EFNA3: variants seen among roughly 807,000 people sequenced by gnomAD.
EFNA3 encodes ephrin A3.
A neutral mutation model predicts 25.0 loss-of-function variants in EFNA3; 15 were observed. The observed-to-expected ratio is 0.60, with a 90% CI of 0.40 to 0.92. EFNA3 has a LOEUF of 0.92. Ranked by LOEUF, EFNA3 falls within the 40% of genes least tolerant of loss-of-function variation. The pLI, the probability that EFNA3 is intolerant of heterozygous loss-of-function variation, is 0.00. For synonymous variants in EFNA3, 153 were observed against 145.6 expected (o/e 1.05, Z -0.37); for missense variants, 298 against 323.8 (o/e 0.92, Z 0.61).
chr1:155,085,850 G>C lies in EFNA3; in HGVS notation c.443-27G>C. On this transcript the variant is annotated intron_variant, in intron 2 of 4. Transcript: ENST00000368408. This position sits in a 1 kb window ranked among gnomAD's most constrained non-coding sequence, Gnocchi z 4.4. ...GGGCACAGGCACACATTGGGCGAAA[G>C]TGACTCAGGCCCGGTCTCCTCCCCA... The C allele has an allele frequency of 6.2e-7, 1 of 1,611,706 alleles. No individual in the cohort carries two copies. Among genetic ancestry groups the C allele is most frequent in the East Asian group, 2.2e-5 (1 of 44,742 alleles).
At position 155,078,892 on chromosome 1, in the gene EFNA3, C is replaced by G. The variant is rs1409720470; in HGVS notation, c.-50C>G. 2 of 1,341,610 alleles carry G rather than the reference C, an allele frequency of 1.5e-6. No individual in the cohort carries two copies. The highest frequency in any genetic ancestry group is 1.9e-6 in the Non-Finnish European group (2 of 1,048,608). The allele number at this position is 1,341,610 out of a possible 1,614,324, so 83.1% of individuals were successfully genotyped here. A position where few individuals can be genotyped will look rare whatever the true frequency, so the allele number is the denominator to read the frequency against. On this transcript the variant is annotated 5_prime_UTR_variant, in exon 1 of 5. Coordinates refer to ENST00000368408, the MANE Select transcript of EFNA3 (RefSeq NM_004952.5). ...AGCAGGGAGCTGGGAAGCGGAGAAG[C>G]CGGGAGCGCGGGGCTCAGTCGGGGG...
chr1:155,080,997 G>C lies in EFNA3; in HGVS notation c.128+1928G>C, dbSNP rs1441471031. Among the ~76,000 whole-genome samples the C allele has an allele frequency of 1.3e-5, 2 of 152,020 alleles. No individual in the cohort carries two copies. The highest frequency in any genetic ancestry group is 2.9e-5 in the Non-Finnish European group (2 of 67,950). ...GGGCCGGGGAGCTGGGGGCGGGGCC[G>C]ACCGAGCCACAGGCTCCCGCGCCCC... On this transcript the variant is annotated intron_variant, in intron 1 of 4. Transcript: ENST00000368408. The surrounding 1 kb of genome is among the most constrained non-coding windows in gnomAD (Gnocchi z 7.0).
chr1:155,080,601 C>T lies in EFNA3; in HGVS notation c.128+1532C>T, dbSNP rs1304533930. Among the ~76,000 whole-genome samples, 1 of 152,208 alleles carries T rather than the reference C, an allele frequency of 6.6e-6. No homozygotes were observed. The highest frequency in any genetic ancestry group is 1.5e-5 in the Non-Finnish European group (1 of 68,034). ...CTCGCAGGTGAGGGGCCCCGGGTTC[C>T]CCGCCACCCTTGGAGCACCTCAGCG... On this transcript the variant is annotated intron_variant, in intron 1 of 4. Coordinates refer to ENST00000368408, the MANE Select transcript of EFNA3 (RefSeq NM_004952.5). This position sits in a 1 kb window ranked among gnomAD's most constrained non-coding sequence, Gnocchi z 7.0.
At chr1:155,084,685 C>A (rs1217919006) in intron 1 of EFNA3, among the ~76,000 whole-genome samples, 1 of 152,240 alleles carries the variant, frequency 6.6e-6, no homozygotes, top group East Asian at 1.9e-4. Context: ...CATCCCTCCT[C>A]CCGGCTGCTG....
rs1163409895 is a variant in EFNA3 at position 155,086,809 on chromosome 1, G to A, written c.*266G>A. ...GGTACCAAACTTGGGGGCCAAAAAG[G>A]GCAGTGCTCAGGACTCCCTGGCCCC... On this transcript the variant is annotated 3_prime_UTR_variant, in exon 5 of 5. Coordinates refer to ENST00000368408, the MANE Select transcript of EFNA3 (RefSeq NM_004952.5). 2 of 439,224 alleles carry A rather than the reference G, an allele frequency of 4.6e-6. No homozygotes were observed. Among genetic ancestry groups the A allele is most frequent in the African/African-American group, 2.0e-5 (1 of 49,726 alleles). The allele number at this position is 439,224 out of a possible 1,614,324, so 27.2% of individuals were successfully genotyped here. A position where few individuals can be genotyped will look rare whatever the true frequency, so the allele number is the denominator to read the frequency against.
In EFNA3 at chr1:155,079,880, T is replaced by A. The variant is rs899889139; in HGVS notation, c.128+811T>A. Among the ~76,000 whole-genome samples, 1 of 151,750 alleles carries A rather than the reference T, an allele frequency of 6.6e-6. No homozygotes were observed. The highest frequency in any genetic ancestry group is 2.4e-5 in the African/African-American group (1 of 41,306). On this transcript the variant is annotated intron_variant, in intron 1 of 4. Coordinates refer to ENST00000368408, the MANE Select transcript of EFNA3 (RefSeq NM_004952.5). This position sits in a 1 kb window ranked among gnomAD's most constrained non-coding sequence, Gnocchi z 7.7. Reference sequence around the variant, plus strand: ...GGGTCGGGGAAGGGGCTGCGGTCGCTGTCCGCGCGGCCAGCTGCGTCTGGG... The same window carrying A: ...GGGTCGGGGAAGGGGCTGCGGTCGCAGTCCGCGCGGCCAGCTGCGTCTGGG...
chr1:155,086,451 G>C lies in EFNA3; in HGVS notation c.625G>C (p.Glu209Gln). 6.2e-7 allele frequency: 1 copy of C among 1,614,112 alleles called. No homozygotes were observed. Among genetic ancestry groups the C allele is most frequent in the African/African-American group, 1.3e-5 (1 of 75,048 alleles). The change falls in exon 5 of 5, where the codon GAG (glutamate) becomes CAG (glutamine). Residue 209 changes from glutamate (E) to glutamine (Q), a missense_variant. Glu to Gln is a conservative substitution (Grantham distance 29, BLOSUM62 2). Coordinates refer to ENST00000368408, the MANE Select transcript of EFNA3 (RefSeq NM_004952.5). Reference sequence around the variant, plus strand: ...AGAGAACCCTCAGGTGCCCAAGCTTGAGAAGAGCATCAGCGGGACCAGCCC... The same window carrying C: ...AGAGAACCCTCAGGTGCCCAAGCTTCAGAAGAGCATCAGCGGGACCAGCCC... ...EGENPQVPKL[E>Q]KSISGTSPKR...
chr1:155,083,217 G>A (rs1167792075), intron 1 of EFNA3, among the ~76,000 whole-genome samples: 4 of 152,180 alleles, frequency 2.6e-5, no homozygotes, highest in African/African-American at 7.2e-5. Flanking sequence ...CAGCAGGGAG[G>A]GGCTGCTTCA....
rs772344828 is a variant in EFNA3, at chr1:155,086,567, G to C, written c.*24G>C. Reference sequence around the variant, plus strand: ...AGCTCTGCCCCCTCCCCTGGGGGGGGAGAGATGGGGCGGGGCTTGGAAGGA... The same window carrying C: ...AGCTCTGCCCCCTCCCCTGGGGGGGCAGAGATGGGGCGGGGCTTGGAAGGA... On this transcript the variant is annotated 3_prime_UTR_variant, in exon 5 of 5. Coordinates refer to ENST00000368408, the MANE Select transcript of EFNA3 (RefSeq NM_004952.5). The C allele has an allele frequency of 1.9e-6, 3 of 1,611,142 alleles. No individual in the cohort carries two copies. In the Admixed American group the frequency reaches 5.0e-5, roughly 27 times the overall value.
In EFNA3 at chr1:155,085,815, C is replaced by T; in HGVS notation, c.443-62C>T. On this transcript the variant is annotated intron_variant, in intron 2 of 4. Transcript: ENST00000368408. The surrounding 1 kb of genome is among the most constrained non-coding windows in gnomAD (Gnocchi z 4.4). The stretch of plus-strand genomic sequence containing the variant: ...GTTTGGAGGGGGTGAGAAATAGAGC[C>T]GTCGAGGGAGGGCACAGGCACACAT... 1 of 1,582,604 alleles carries T rather than the reference C, an allele frequency of 6.3e-7. No homozygotes were observed. Among genetic ancestry groups the T allele is most frequent in the Non-Finnish European group, 8.6e-7 (1 of 1,159,556 alleles).
intron 4 of EFNA3, 34 bp from the exon 5 acceptor site, chr1:155,086,379 G>A (rs1351806277): frequency 2.5e-6 from 4 of 1,611,990 alleles, no homozygotes; most frequent in Middle Eastern, 3.3e-4. Context: ...GCGCAACCCA[G>A]CCCTCACCAG....
rs368001689 is a variant in EFNA3 at position 155,085,425 on chromosome 1, G to C, written c.442+21G>C. On this transcript the variant is annotated intron_variant, in intron 2 of 4. Coordinates refer to ENST00000368408, the MANE Select transcript of EFNA3 (RefSeq NM_004952.5). The surrounding 1 kb of genome is among the most constrained non-coding windows in gnomAD (Gnocchi z 4.4). Reference sequence around the variant, plus strand: ...CATCTGTGAGTGACGGCGGCCGGGCGGGCGGGTCTGAACGCGAGAGTCTGA... The same window carrying C: ...CATCTGTGAGTGACGGCGGCCGGGCCGGCGGGTCTGAACGCGAGAGTCTGA... 3.2e-6 allele frequency: 5 copies of C among 1,541,308 alleles called. No individual in the cohort carries two copies. Among genetic ancestry groups the C allele is most frequent in the Non-Finnish European group, 4.4e-6 (5 of 1,137,488 alleles).
rs762228610 is a variant in EFNA3 at position 155,086,563 on chromosome 1, G to GA, written c.*20_*21insA. On this transcript the variant is annotated 3_prime_UTR_variant, in exon 5 of 5. Transcript: ENST00000368408. Reference sequence around the variant, plus strand: ...TCCTAGCTCTGCCCCCTCCCCTGGGGGGGGAGAGATGGGGCGGGGCTTGGA... The same window carrying GA: ...TCCTAGCTCTGCCCCCTCCCCTGGGGAGGGGAGAGATGGGGCGGGGCTTGGA... The GA allele has an allele frequency of 6.8e-6, 11 of 1,612,340 alleles. No individual in the cohort carries two copies. The African/African-American group carries it at 1.3e-4, about 20-fold the overall frequency.
Position 155,086,635 on chromosome 1 carries a change from A to G in EFNA3, c.*92A>G. On this transcript the variant is annotated 3_prime_UTR_variant, in exon 5 of 5. Transcript: ENST00000368408. ...TCTCCAAGGGAAGCCTAGTGGGCCTAGACCCCTCCTCCCATGGCTAGAAGT... is the reference window on the plus strand; with the variant it reads ...TCTCCAAGGGAAGCCTAGTGGGCCTGGACCCCTCCTCCCATGGCTAGAAGT... 2 of 1,500,406 alleles carry G rather than the reference A, an allele frequency of 1.3e-6. No individual in the cohort carries two copies. Among genetic ancestry groups the G allele is most frequent in the African/African-American group, 1.4e-5 (1 of 71,778 alleles). The allele number at this position is 1,500,406 out of a possible 1,614,324, so 92.9% of individuals were successfully genotyped here. A position where few individuals can be genotyped will look rare whatever the true frequency, so the allele number is the denominator to read the frequency against.
Position 155,079,977 on chromosome 1 carries a change from G to A in EFNA3, c.128+908G>A, listed in dbSNP as rs1338962726. On this transcript the variant is annotated intron_variant, in intron 1 of 4. Transcript: ENST00000368408. This position sits in a 1 kb window ranked among gnomAD's most constrained non-coding sequence, Gnocchi z 7.7. ...GGCCGTGTGGTTTCCCGGGGTGTGT[G>A]GCGCGGTGGCCGGGTGCTGGCTGCG... is the stretch of plus-strand genomic sequence containing the variant. Among the ~76,000 whole-genome samples the A allele has an allele frequency of 6.6e-6, 1 of 152,018 alleles. No individual in the cohort carries two copies. Among genetic ancestry groups the A allele is most frequent in the Non-Finnish European group, 1.5e-5 (1 of 67,986 alleles).
rs1160303598 is a variant in EFNA3 at position 155,086,197 on chromosome 1, A to G, written c.578A>G (p.Asn193Ser). 6.2e-7 allele frequency: 1 copy of G among 1,613,856 alleles called. No homozygotes were observed. The highest frequency in any genetic ancestry group is 2.2e-5 in the East Asian group (1 of 44,864). Residue 193 changes from asparagine to serine, a missense_variant, in exon 4 of 5, where the codon AAC becomes AGC. Coordinates refer to ENST00000368408, the MANE Select transcript of EFNA3 (RefSeq NM_004952.5). The part of the protein sequence containing the change: ...QFTMGPNVKI[N>S]VLEDFEGENP... Reference sequence around the variant, plus strand: ...ACCATGGGCCCCAATGTGAAGATCAACGTGCTGGGTGAGTCTGCGCAGCGC... The same window carrying G: ...ACCATGGGCCCCAATGTGAAGATCAGCGTGCTGGGTGAGTCTGCGCAGCGC...
Position 155,085,495 on chromosome 1 carries a change from G to A in EFNA3, c.442+91G>A. The A allele has an allele frequency of 7.1e-7, 1 of 1,411,940 alleles. No individual in the cohort carries two copies. The highest frequency in any genetic ancestry group is 9.4e-7 in the Non-Finnish European group (1 of 1,067,678). The allele number at this position is 1,411,940 out of a possible 1,614,324, so 87.5% of individuals were successfully genotyped here. Reference sequence around the variant, plus strand: ...GCCCCTAGGCTCCGGGGCGGGGCCGGCGCGGCGGGCGCCAGGTCTCGCGGC... The same window carrying A: ...GCCCCTAGGCTCCGGGGCGGGGCCGACGCGGCGGGCGCCAGGTCTCGCGGC... On this transcript the variant is annotated intron_variant, in intron 2 of 4. Transcript: ENST00000368408. This position sits in a 1 kb window ranked among gnomAD's most constrained non-coding sequence, Gnocchi z 4.4.
At position 155,081,727 on chromosome 1, in the gene EFNA3, A is replaced by C. The variant is rs1663345685; in HGVS notation, c.128+2658A>C. Among the ~76,000 whole-genome samples the C allele has an allele frequency of 6.6e-6, 1 of 150,686 alleles. No homozygotes were observed. Among genetic ancestry groups the C allele is most frequent in the South Asian group, 2.1e-4 (1 of 4,734 alleles). ...GCCTGCCTGTCTCTCCTGTTCTCCA[A>C]GACTCTCGGTTCTCGTTCTCTTCCC... On this transcript the variant is annotated intron_variant, in intron 1 of 4. Coordinates refer to ENST00000368408, the MANE Select transcript of EFNA3 (RefSeq NM_004952.5). The surrounding 1 kb of genome is among the most constrained non-coding windows in gnomAD (Gnocchi z 5.2).
chr1:155,083,286 G>T (rs951623075), intron 1 of EFNA3, among the ~76,000 whole-genome samples: 5 of 152,216 alleles, frequency 3.3e-5, no homozygotes, highest in African/African-American at 1.2e-4. Context: ...TGGCTGTGCA[G>T]CTGCTCCAGA....
Sources: gnomAD v4.1 joint callset for allele counts (sites outside exome capture counted in the v4.1 genomes callset) on GRCh38, gnomAD v4.1.1 for gene constraint, Gnocchi (gnomAD v3.1) non-coding constraint, MANE v1.5 for transcripts, NCBI Gene and HGNC (gene_info 2026-07-23, HGNC 2026-07-21) for gene names.